ZNF566: variants seen among roughly 807,000 people sequenced by gnomAD.
ZNF566 encodes the protein zinc finger protein 566.
A neutral mutation model predicts 32.8 loss-of-function variants in ZNF566; 27 were observed. That is an observed-to-expected ratio of 0.82 (90% CI 0.61 to 1.14). The LOEUF (loss-of-function observed/expected upper bound fraction) is 1.14. Ranked by LOEUF, ZNF566 falls within the 50% of genes most tolerant of loss-of-function variation. The pLI, the probability that ZNF566 is intolerant of heterozygous loss-of-function variation, is 0.00. For missense variants in ZNF566, 402 were observed against 490.4 expected (o/e 0.82, Z 1.70); for synonymous variants, 154 against 159.5 (o/e 0.97, Z 0.26).
chr19:36,487,103 A>C (rs1049463140), intron 1 of ZNF566, among the ~76,000 whole-genome samples: 4 of 150,210 alleles, frequency 2.7e-5, no homozygotes, highest in East Asian at 3.9e-4. Flanking sequence ...AAAAAAAAAA[A>C]AAACAAACCA....
intron 1 of ZNF566, 103 bp from the exon 2 acceptor site, chr19:36,476,719 G>T: frequency 2.2e-6 from 2 of 915,002 alleles, no homozygotes; most frequent in Middle Eastern, 2.4e-4. Flanking sequence ...TGCTTGTGGG[G>T]TATCAGTGAG....
chr19:36,469,409 G>A (rs777295671), intron 4 of ZNF566, among the ~76,000 whole-genome samples: 8 of 152,030 alleles, frequency 5.3e-5, no homozygotes, highest in Non-Finnish European at 8.8e-5. Context: ...GCATGGTGGC[G>A]GGTGCCTGTA....
At chr19:36,468,880 G>A (rs939168675) in intron 4 of ZNF566, among the ~76,000 whole-genome samples, 1 of 150,308 alleles carries the variant, frequency 6.7e-6, no homozygotes, top group African/African-American at 2.5e-5. Context: ...TAGTGCCACT[G>A]CCCTCCAGCC....
At position 36,454,861 on chromosome 19, in the gene ZNF566, C is replaced by T. The variant is rs1428786578; in HGVS notation, c.233-4860G>A. ...CTCTTCCAAAATGTTGAAGACGGAA[C>T]ACTTCCAAACTCATTTTATGAGGAT... is the stretch of plus-strand genomic sequence containing the variant. On this transcript the variant is annotated intron_variant, in intron 4 of 4. Transcript: ENST00000452939. Among the ~76,000 whole-genome samples, 3 of 152,312 alleles carry T rather than the reference C, an allele frequency of 2.0e-5. No homozygotes were observed. The East Asian group carries it at 5.8e-4, about 29-fold the overall frequency.
rs2034054550 is a variant in ZNF566 at position 36,482,275 on chromosome 19, T to A, written c.-59-5659A>T. The stretch of plus-strand genomic sequence containing the variant: ...CGCCCGCCACCACGCCCGGCTAATT[T>A]TTTGTATTTTTAGTAGAGACGGGGT... On this transcript the variant is annotated intron_variant, in intron 1 of 4. Coordinates refer to ENST00000452939, the MANE Select transcript of ZNF566 (RefSeq NM_001145344.1). 3.3e-5 allele frequency among the ~76,000 whole-genome samples: 5 copies of A among 152,268 alleles called. No individual in the cohort carries two copies. The South Asian group carries it at 1.0e-3, about 32-fold the overall frequency.
At chr19:36,482,255 G>C (rs1021343291) in intron 1 of ZNF566, among the ~76,000 whole-genome samples, 1 of 152,136 alleles carries the variant, frequency 6.6e-6, no homozygotes, top group African/African-American at 2.4e-5. Flanking sequence ...ACAGGCGCCC[G>C]CCACCACGCC....
chr19:36,486,734 G>A (rs2034172499), intron 1 of ZNF566, among the ~76,000 whole-genome samples: 1 of 150,892 alleles, frequency 6.6e-6, no homozygotes, highest in Non-Finnish European at 1.5e-5. Context: ...TTTACGAAGG[G>A]GAAAATGGAC....
chr19:36,450,197 T>C (rs1455996457), intron 4 of ZNF566, among the ~76,000 whole-genome samples, 196 bp from the exon 5 acceptor site: 1 of 152,186 alleles, frequency 6.6e-6, no homozygotes, highest in African/African-American at 2.4e-5. Context: ...CAAACATTGC[T>C]ATAGATCAGA....
rs1376853021 is a variant in ZNF566 at position 36,448,986 on chromosome 19, C to A, written c.1248G>T (p.Leu416Phe). The A allele has an allele frequency of 1.3e-6, 2 of 1,578,774 alleles. No individual in the cohort carries two copies. The highest frequency in any genetic ancestry group is 1.9e-5 in the Admixed American group (1 of 53,250). Residue 416 changes from leucine (L) to phenylalanine (F), a missense_variant, in exon 5 of 5, where the codon TTG becomes TTT. By Grantham distance (22) the Leu-to-Phe change is conservative. Around this residue, in one of 3 missense-constraint regions of ZNF566, gnomAD observed 47 missense variants for 38.5 expected, o/e 1.22. Transcript: ENST00000452939. Reference sequence around the variant, plus strand: ...CATATATTCTGTTTCATCACCAGTACAAATTTTGATGCTGAATAAGTTGTG... The same window carrying A: ...CATATATTCTGTTTCATCACCAGTAAAAATTTTGATGCTGAATAAGTTGTG... ...YDPQLIQHQN[L>F]YW
At chr19:36,473,547 G>C (rs568009210) in intron 2 of ZNF566, 89 bp from the exon 3 acceptor site, 1 of 1,291,912 alleles carries the variant, frequency 7.7e-7, no homozygotes, top group African/African-American at 1.5e-5. Flanking sequence ...TAAGGTAGAG[G>C]AAGTAAAATA....
intron 4 of ZNF566, among the ~76,000 whole-genome samples, chr19:36,450,545 G>A (rs1045986814): frequency 7.9e-5 from 12 of 152,144 alleles, no homozygotes; most frequent in Admixed American, 3.9e-4. Context: ...TGGGGAGGCC[G>A]AGGCACGAGA....
chr19:36,449,591 T>TG lies in ZNF566; in HGVS notation c.642dup (p.Thr215HisfsTer14). The TG allele has an allele frequency of 1.2e-6, 2 of 1,614,136 alleles. No homozygotes were observed. Among genetic ancestry groups the TG allele is most frequent in the Non-Finnish European group, 1.7e-6 (2 of 1,180,014 alleles). On this transcript the variant is annotated frameshift_variant, in exon 5 of 5. Transcript: ENST00000452939. LOFTEE classifies it high-confidence loss of function. ...CCAGTATGAATTTTCTGATGATGAG[T>TG]GAGTCTTGAGGGATGTCTAAAGGAC...
intron 4 of ZNF566, among the ~76,000 whole-genome samples, chr19:36,453,489 A>T (rs1436649744): frequency 5.3e-5 from 6 of 112,672 alleles, no homozygotes; most frequent in African/African-American, 2.1e-4. Context: ...ATAAATAAAT[A>T]AATAAATAAA....
intron 1 of ZNF566, among the ~76,000 whole-genome samples, chr19:36,485,429 G>C (rs1456387678): frequency 1.4e-5 from 2 of 141,860 alleles, no homozygotes; most frequent in Admixed American, 1.4e-4. Context: ...CCTGGATGAC[G>C]GAGCAAGACC....
intron 1 of ZNF566, among the ~76,000 whole-genome samples, chr19:36,484,706 G>C (rs1209677358): frequency 2.7e-5 from 4 of 148,400 alleles, no homozygotes; most frequent in Non-Finnish European, 5.9e-5. Flanking sequence ...TCTCCTGCCA[G>C]AGCCTCCCGA....
intron 1 of ZNF566, among the ~76,000 whole-genome samples, chr19:36,488,991 C>T (rs1453401574): frequency 1.3e-5 from 2 of 152,134 alleles, no homozygotes; most frequent in African/African-American, 4.8e-5. Context: ...CACAAGTGCA[C>T]GCTTACCGAG....
intron 1 of ZNF566, among the ~76,000 whole-genome samples, chr19:36,486,344 C>CTTATACTA (rs1291384695): frequency 6.6e-6 from 1 of 152,152 alleles, no homozygotes; most frequent in Admixed American, 6.5e-5. Flanking sequence ...TGCAGAGTAT[C>CTTATACTA]TGCAAATTCC....
chr19:36,446,603 C>G lies in ZNF566; in HGVS notation c.*2374G>C, dbSNP rs1166772237. On this transcript the variant is annotated 3_prime_UTR_variant, in exon 5 of 5. Transcript: ENST00000452939. The stretch of plus-strand genomic sequence containing the variant: ...TAATTTGGGTGCAAATGCACTATCT[C>G]TATAATTTTAGATGAAGAACTTTAT... 1.3e-5 allele frequency: 2 copies of G among 152,146 alleles called. No homozygotes were observed. Among genetic ancestry groups the G allele is most frequent in the African/African-American group, 4.8e-5 (2 of 41,444 alleles). 9.4% of individuals were successfully genotyped at this position (152,146 alleles called of 1,614,324 possible).
At chr19:36,461,318 T>C (rs1211277657) in intron 4 of ZNF566, among the ~76,000 whole-genome samples, 3 of 152,214 alleles carry the variant, frequency 2.0e-5, no homozygotes, top group African/African-American at 7.2e-5. Context: ...TACTAGGTTG[T>C]TACTTCAATG....
Sources: allele counts gnomAD v4.1 joint callset (sites outside exome capture counted in the v4.1 genomes callset), GRCh38; gene constraint gnomAD v4.1.1; regional missense constraint gnomAD v4.1.1; transcripts MANE v1.5; gene names NCBI Gene and HGNC (gene_info 2026-07-23, HGNC 2026-07-21).